PDS5B: variants seen among roughly 807,000 people sequenced by gnomAD.
PDS5B encodes the protein sister chromatid cohesion protein PDS5 homolog B.
Under a neutral mutation model 184.1 loss-of-function variants are expected in PDS5B, and 51 were observed. The observed-to-expected ratio is 0.28, with a 90% CI of 0.22 to 0.35. PDS5B has a LOEUF of 0.35. Among genes scored for constraint, PDS5B ranks in the 10% least tolerant of loss-of-function variants. PDS5B has a pLI of 1.00. For missense variants in PDS5B, 1,180 were observed against 1,723.3 expected, an observed-to-expected ratio of 0.68 and a Z score of 5.58; for synonymous variants, 566 against 569.2, an observed-to-expected ratio of 0.99 and a Z score of 0.08.
intron 1 of PDS5B, among the ~76,000 whole-genome samples, chr13:32,593,530 G>A (rs1396985812): frequency 2.0e-5 from 3 of 152,070 alleles, no homozygotes; most frequent in African/African-American, 7.2e-5. Flanking sequence ...TGGTGGAGAC[G>A]GGGTTTCGCC....
At chr13:32,691,144 TTTC>T (rs1409650223) in intron 13 of PDS5B, 4 of 152,214 alleles carry the variant, frequency 2.6e-5, no homozygotes, top group Admixed American at 2.6e-4. Flanking sequence ...TCTACCCTTG[TTTC>T]TTGTTTCCTT....
intron 13 of PDS5B, among the ~76,000 whole-genome samples, chr13:32,693,199 G>T (rs1951603828): frequency 6.6e-6 from 1 of 151,908 alleles, no homozygotes. Flanking sequence ...TTATATTCTT[G>T]AACTGTGCTT....
intron 1 of PDS5B, among the ~76,000 whole-genome samples, chr13:32,624,160 T>A (rs1404024916): frequency 1.3e-5 from 2 of 152,210 alleles, no homozygotes; most frequent in African/African-American, 4.8e-5. Flanking sequence ...ACTTCCATGT[T>A]GATGTTGCCT....
intron 19 of PDS5B, among the ~76,000 whole-genome samples, chr13:32,712,025 T>A (rs1797857449): frequency 6.6e-6 from 1 of 152,224 alleles, no homozygotes; most frequent in Non-Finnish European, 1.5e-5. Context: ...CCTGTTTGGC[T>A]CCAGTGCCTA....
At chr13:32,752,261 C>A (rs189259346) in intron 24 of PDS5B, among the ~76,000 whole-genome samples, 1 of 152,172 alleles carries the variant, frequency 6.6e-6, no homozygotes, top group Non-Finnish European at 1.5e-5. Context: ...CTGTTAATTT[C>A]TTGCTGTGCC....
intron 1 of PDS5B, among the ~76,000 whole-genome samples, chr13:32,632,633 A>G (rs1463379825): frequency 6.6e-6 from 1 of 152,254 alleles, no homozygotes; most frequent in Non-Finnish European, 1.5e-5. Flanking sequence ...AAACTTAGCA[A>G]TTCCACTGCT....
chr13:32,747,125 A>T (rs1340225993), intron 24 of PDS5B, among the ~76,000 whole-genome samples: 1 of 152,226 alleles, frequency 6.6e-6, no homozygotes, highest in Non-Finnish European at 1.5e-5. Flanking sequence ...TTCTTGTTAG[A>T]GTAACTTTAT....
intron 20 of PDS5B, 108 bp downstream of exon 20, chr13:32,732,332 A>G (rs1953151490): frequency 1.2e-5 from 9 of 736,658 alleles, no homozygotes; most frequent in Admixed American, 3.0e-5. Context: ...TTTGTAATAT[A>G]TTTTCAGAAT....
At chr13:32,703,338 A>G (rs1022540602) in intron 17 of PDS5B, among the ~76,000 whole-genome samples, 1 of 152,234 alleles carries the variant, frequency 6.6e-6, no homozygotes, top group African/African-American at 2.4e-5. Flanking sequence ...GGAGGTTTTC[A>G]GAAGTAAAGT....
intron 30 of PDS5B, among the ~76,000 whole-genome samples, chr13:32,761,633 A>C (rs1370571302): frequency 6.6e-6 from 1 of 151,984 alleles, no homozygotes; most frequent in Non-Finnish European, 1.5e-5. Context: ...GAAGTACATG[A>C]TTTCATCCTT....
At chr13:32,742,902 C>T (rs1157137460) in intron 23 of PDS5B, among the ~76,000 whole-genome samples, 175 bp downstream of exon 23, 2 of 150,464 alleles carry the variant, frequency 1.3e-5, no homozygotes, top group East Asian at 1.9e-4. Flanking sequence ...CAGTGGCGGT[C>T]ACATGTCTGG....
At chr13:32,712,182 A>G (rs1305717982) in intron 19 of PDS5B, among the ~76,000 whole-genome samples, 1 of 152,224 alleles carries the variant, frequency 6.6e-6, no homozygotes, top group African/African-American at 2.4e-5. Context: ...ATGGTTTGAT[A>G]TATTTGTAGA....
intron 19 of PDS5B, among the ~76,000 whole-genome samples, chr13:32,721,888 G>T (rs1952724461): frequency 1.3e-5 from 2 of 151,596 alleles, no homozygotes; most frequent in Admixed American, 6.6e-5. Context: ...TGGCCGGGCA[G>T]AGGGGCTCCT....
At chr13:32,617,231 G>A (rs911454588) in intron 1 of PDS5B, among the ~76,000 whole-genome samples, 3 of 152,094 alleles carry the variant, frequency 2.0e-5, no homozygotes, top group African/African-American at 7.2e-5. Flanking sequence ...ATATAATCTA[G>A]GGTGATGAAA....
intron 19 of PDS5B, among the ~76,000 whole-genome samples, chr13:32,717,628 A>G (rs866375516): frequency 0.011 from 1,488 of 136,750 alleles, 28 homozygotes; most frequent in African/African-American, 0.039. Context: ...CCTTCCCTCC[A>G]CTATTGTCCT....
intron 1 of PDS5B, among the ~76,000 whole-genome samples, chr13:32,590,648 T>C (rs2057759909): frequency 1.3e-5 from 2 of 152,222 alleles, no homozygotes; most frequent in African/African-American, 4.8e-5. Flanking sequence ...TGAGATTTTG[T>C]GTTTCCTTAG....
Position 32,658,549 on chromosome 13 carries a change from AGTAT to A in PDS5B, c.497+22_497+25del. ...GTTATAAAGTAAGTTTATTTTATTAAGTATGTAACATTAAAAAAAGGTAACAAAT... is the reference window on the plus strand; with the variant it reads ...GTTATAAAGTAAGTTTATTTTATTAAGTAACATTAAAAAAAGGTAACAAAT... On this transcript the variant is annotated intron_variant, in intron 5 of 34. Transcript: ENST00000315596. 8.1e-7 allele frequency: 1 copy of A among 1,237,280 alleles called. No individual in the cohort carries two copies. The allele number at this position is 1,237,280 out of a possible 1,614,324, so 76.6% of individuals were successfully genotyped here.
chr13:32,615,123 C>T (rs2058199577), intron 1 of PDS5B, among the ~76,000 whole-genome samples: 1 of 152,144 alleles, frequency 6.6e-6, no homozygotes, highest in Admixed American at 6.5e-5. Context: ...CAAGGGTAGC[C>T]ACTATCCTGA....
chr13:32,768,984 G>A (rs924277448), intron 31 of PDS5B, among the ~76,000 whole-genome samples: 1 of 149,706 alleles, frequency 6.7e-6, no homozygotes, highest in Non-Finnish European at 1.5e-5. Flanking sequence ...GCCAGGCGTG[G>A]TTGCAGACAC....
Sources: allele counts gnomAD v4.1 joint callset (sites outside exome capture counted in the v4.1 genomes callset), GRCh38; gene constraint gnomAD v4.1.1; transcripts MANE v1.5; gene names NCBI Gene and HGNC (gene_info 2026-07-23, HGNC 2026-07-21).